The following SLC17A5 variants were observed in gnomAD, a reference collection of about 807,000 sequenced individuals.
The protein encoded by SLC17A5 is sialin.
Under a neutral mutation model 59.4 loss-of-function variants are expected in SLC17A5, and 47 were observed. That is an observed-to-expected ratio of 0.79 (90% CI 0.63 to 1.01). SLC17A5 has a LOEUF of 1.01. Ranked by LOEUF, SLC17A5 falls within the 50% of genes least tolerant of loss-of-function variation. SLC17A5 has a pLI of 0.00. For missense variants in SLC17A5, 522 were observed against 595.5 expected (o/e 0.88, Z 1.28); for synonymous variants, 202 against 210.7 (o/e 0.96, Z 0.36).
At chr6:73,632,582 A>G (rs2150110079) in intron 6 of SLC17A5, among the ~76,000 whole-genome samples, 1 of 151,136 alleles carries the variant, frequency 6.6e-6, no homozygotes, top group South Asian at 2.1e-4. Flanking sequence ...AGCTGGGACT[A>G]CAAGTGCATA....
chr6:73,649,697 T>C (rs4706550), intron 1 of SLC17A5, among the ~76,000 whole-genome samples: 8,469 of 152,318 alleles, frequency 0.056, 421 homozygotes, highest in Admixed American at 0.16. Flanking sequence ...TTCACTGAGT[T>C]AGTAATGTAA....
intron 1 of SLC17A5, among the ~76,000 whole-genome samples, chr6:73,647,314 G>T (rs370403327): frequency 1.3e-5 from 2 of 152,220 alleles, no homozygotes; most frequent in East Asian, 1.9e-4. Context: ...TCACTTAAAG[G>T]ACTACTGTAG....
rs2150099218 is a variant in SLC17A5, at chr6:73,621,803, C to T, written c.978+1G>A. ...AGAAGCAGATGATTATTTTTTCTTA[C>T]CTCTTGAACATTGAACCTTAGGATC... is the stretch of plus-strand genomic sequence containing the variant. On this transcript the variant is annotated splice_donor_variant, in intron 7 of 10. Transcript: ENST00000355773. LOFTEE classifies it high-confidence loss of function. The T allele has an allele frequency of 1.2e-6, 2 of 1,602,158 alleles. No homozygotes were observed. Among genetic ancestry groups the T allele is most frequent in the Non-Finnish European group, 1.7e-6 (2 of 1,169,546 alleles).
At position 73,648,995 on chromosome 6, in the gene SLC17A5, A is replaced by G. The variant is rs952238675; in HGVS notation, c.95-4392T>C. 2.0e-5 allele frequency among the ~76,000 whole-genome samples: 3 copies of G among 149,906 alleles called. No individual in the cohort carries two copies. In the East Asian group the frequency reaches 5.9e-4, roughly 30 times the overall value. On this transcript the variant is annotated intron_variant, in intron 1 of 10. Transcript: ENST00000355773. Reference sequence around the variant, plus strand: ...ATTAAGTTTAATAACATAAAATAATATATAATTTTTTTTTTTTTTGGAGAT... The same window carrying G: ...ATTAAGTTTAATAACATAAAATAATGTATAATTTTTTTTTTTTTTGGAGAT...
intron 9 of SLC17A5, among the ~76,000 whole-genome samples, chr6:73,606,862 C>T (rs1209803457): frequency 1.3e-5 from 2 of 152,192 alleles, no homozygotes; most frequent in East Asian, 3.8e-4. Flanking sequence ...CCACCTTGTC[C>T]AAAACGGCAT....
intron 1 of SLC17A5, chr6:73,645,568 C>T: frequency 1.3e-6 from 1 of 786,604 alleles, no homozygotes; most frequent in Non-Finnish European, 1.5e-6. Flanking sequence ...GGGCGGATCA[C>T]CTGAGGTCAG....
At chr6:73,620,520 C>G (rs1310843695) in intron 7 of SLC17A5, among the ~76,000 whole-genome samples, 3 of 152,054 alleles carry the variant, frequency 2.0e-5, no homozygotes, top group African/African-American at 7.2e-5. Context: ...GGAAATATTT[C>G]TATATAGTGA....
chr6:73,601,793 C>G (rs1399072452), intron 9 of SLC17A5, among the ~76,000 whole-genome samples: 2 of 143,600 alleles, frequency 1.4e-5, no homozygotes, highest in African/African-American at 2.6e-5. Flanking sequence ...GCCCGGCCAG[C>G]CGCTCCGTCC....
intron 1 of SLC17A5, among the ~76,000 whole-genome samples, chr6:73,646,635 T>C (rs1189427323): frequency 6.6e-6 from 1 of 152,140 alleles, no homozygotes; most frequent in African/African-American, 2.4e-5. Flanking sequence ...GGTTTGGATA[T>C]TGTGAGGCAT....
At chr6:73,629,933 G>A (rs7739206) in intron 6 of SLC17A5, among the ~76,000 whole-genome samples, 24,849 of 151,932 alleles carry the variant, frequency 0.16, 3,141 homozygotes, top group African/African-American at 0.35. Flanking sequence ...TAAAGCACTC[G>A]CTAGTCATGA....
chr6:73,605,630 A>AACACACAC (rs3045763), intron 9 of SLC17A5, among the ~76,000 whole-genome samples: 3,004 of 145,922 alleles, frequency 0.021, 74 homozygotes, highest in African/African-American at 0.047. Context: ...GCAAGGTTTA[A>AACACACAC]ACACACACAC....
intron 1 of SLC17A5, among the ~76,000 whole-genome samples, chr6:73,646,495 C>A (rs1243136410): frequency 6.6e-5 from 10 of 151,916 alleles, no homozygotes; most frequent in African/African-American, 1.9e-4. Flanking sequence ...TTTATGGTAC[C>A]ACTACCATAG....
intron 1 of SLC17A5, chr6:73,653,316 G>C (rs1769957223): frequency 1.0e-6 from 1 of 985,344 alleles, no homozygotes; most frequent in Admixed American, 6.1e-5. Flanking sequence ...CGGTGACAGG[G>C]AAGGACAGCC....
At chr6:73,636,868 C>T (rs1769029806) in intron 4 of SLC17A5, among the ~76,000 whole-genome samples, 161 bp from the exon 5 acceptor site, 1 of 152,024 alleles carries the variant, frequency 6.6e-6, no homozygotes, top group African/African-American at 2.4e-5. Flanking sequence ...ATCACCTGAG[C>T]CTAGGAGTTT....
intron 8 of SLC17A5, 145 bp from the exon 9 acceptor site, chr6:73,610,692 A>C (rs1424702880): frequency 6.8e-6 from 2 of 292,884 alleles, no homozygotes; most frequent in Non-Finnish European, 1.1e-5. Flanking sequence ...ATTTCATGAG[A>C]AAAAAAAAAT....
intron 6 of SLC17A5, among the ~76,000 whole-genome samples, chr6:73,633,296 A>G (rs1238091220): frequency 4.6e-5 from 7 of 151,610 alleles, no homozygotes; most frequent in African/African-American, 1.7e-4. Context: ...GTTTTTGCCA[A>G]TCTTTGGCAA....
intron 7 of SLC17A5, chr6:73,618,336 C>T (rs757377883): frequency 1.6e-5 from 4 of 243,192 alleles, no homozygotes; most frequent in East Asian, 7.8e-5. Context: ...GACCTACCGA[C>T]GAGAACACAC....
At chr6:73,650,793 A>T (rs143328317) in intron 1 of SLC17A5, among the ~76,000 whole-genome samples, 244 of 152,248 alleles carry the variant, frequency 1.6e-3, no homozygotes, top group African/African-American at 5.6e-3. Flanking sequence ...ACTAGAATAT[A>T]AAAGTCTATA....
Position 73,651,085 on chromosome 6 carries a change from CAG to C in SLC17A5, c.94+2706_94+2707del. On this transcript the variant is annotated intron_variant, in intron 1 of 10. Transcript: ENST00000355773. The stretch of plus-strand genomic sequence containing the variant: ...AAGAAAAGGAGCGGGGCAGGGGAAA[CAG>C]ATTAAAAGAGACAAAAAACATTTCA... 1.3e-5 allele frequency among the ~76,000 whole-genome samples: 2 copies of C among 152,248 alleles called. 1 individual carries two copies. Among genetic ancestry groups the C allele is most frequent in the South Asian group, 4.1e-4 (2 of 4,822 alleles).
Sources: gnomAD v4.1 joint callset for allele counts (sites outside exome capture counted in the v4.1 genomes callset) on GRCh38, gnomAD v4.1.1 for gene constraint, MANE v1.5 for transcripts, NCBI Gene and HGNC (gene_info 2026-07-23, HGNC 2026-07-21) for gene names.